Variants in CCDC73 observed in about 807,000 individuals in gnomAD.
CCDC73 encodes coiled-coil domain-containing protein 73.
In CCDC73, 95 loss-of-function variants were observed where a neutral mutation model predicts 116.5. The ratio of observed to expected loss-of-function variants is 0.82; its 90% CI spans 0.69 to 0.97. The LOEUF (loss-of-function observed/expected upper bound fraction) is 0.97, where lower values mean the gene tolerates loss of function less well. CCDC73 is among the 50% of genes least tolerant of loss of function. CCDC73 has a pLI of 0.00. For missense variants in CCDC73, 1,066 were observed against 1,206.8 expected (o/e 0.88, Z 1.73); for synonymous variants, 398 against 401.3 (o/e 0.99, Z 0.10).
intron 4 of CCDC73, among the ~76,000 whole-genome samples, chr11:32,701,219 TC>T (rs1041228896): frequency 1.3e-4 from 20 of 152,162 alleles, no homozygotes; most frequent in African/African-American, 4.8e-4. Context: ...TTTGTTTTTT[TC>T]CTCCAGAAAT....
chr11:32,611,015 C>A (rs1855416971), intron 17 of CCDC73, 117 bp downstream of exon 17: 1 of 954,660 alleles, frequency 1.0e-6, no homozygotes, highest in South Asian at 1.9e-5. Context: ...ATGTTGCCCT[C>A]TTGATATTAT....
chr11:32,742,233 C>A (rs1850194288), intron 2 of CCDC73, among the ~76,000 whole-genome samples: 1 of 152,200 alleles, frequency 6.6e-6, no homozygotes, highest in South Asian at 2.1e-4. Context: ...GGAATCGCCA[C>A]ACTGTCTTCC....
intron 13 of CCDC73, among the ~76,000 whole-genome samples, chr11:32,640,748 T>G (rs1258647168): frequency 6.6e-6 from 1 of 152,188 alleles, no homozygotes; most frequent in East Asian, 1.9e-4. Flanking sequence ...CTGGGCGATG[T>G]GGCTCACGCC....
chr11:32,744,009 G>A (rs890046442), intron 2 of CCDC73, among the ~76,000 whole-genome samples: 2 of 152,158 alleles, frequency 1.3e-5, no homozygotes, highest in African/African-American at 4.8e-5. Flanking sequence ...AATGCTTCCA[G>A]TCTTTGCCCA....
the CCDC73 span, among the ~76,000 whole-genome samples, chr11:32,808,409 T>C: frequency 3.3e-5 from 5 of 152,068 alleles, no homozygotes; most frequent in African/African-American, 1.2e-4. Flanking sequence ...GAGGCCGAGG[T>C]GGGCAGATAA....
intron 2 of CCDC73, among the ~76,000 whole-genome samples, chr11:32,720,030 AAC>A (rs2133334106): frequency 6.6e-6 from 1 of 152,320 alleles, no homozygotes; most frequent in Non-Finnish European, 1.5e-5. Flanking sequence ...AAGAGGAGGA[AAC>A]ACATACTAAC....
rs148868223 is a variant in CCDC73 at position 32,734,854 on chromosome 11, G to A, written c.136-16707C>T. The stretch of plus-strand genomic sequence containing the variant: ...GTGGGCTTCATCCCTGGGATGCAAG[G>A]CTGGTTCAACATATACAAATCATTA... On this transcript the variant is annotated intron_variant, in intron 2 of 17. Transcript: ENST00000335185. Among the ~76,000 whole-genome samples, 1,085 of 152,222 alleles carry A rather than the reference G, an allele frequency of 7.1e-3. 17 individuals carry two copies. The highest frequency in any genetic ancestry group is 0.025 in the African/African-American group (1,048 of 41,534).
At chr11:32,718,694 A>G (rs1381726021) in intron 2 of CCDC73, among the ~76,000 whole-genome samples, 1 of 152,160 alleles carries the variant, frequency 6.6e-6, no homozygotes, top group Non-Finnish European at 1.5e-5. Flanking sequence ...CAGAAACTAT[A>G]GCTAAAAGCA....
the CCDC73 span, among the ~76,000 whole-genome samples, chr11:32,810,715 C>G: frequency 2.0e-5 from 3 of 152,094 alleles, no homozygotes; most frequent in Non-Finnish European, 4.4e-5. Flanking sequence ...TTAGCAATGG[C>G]CAACTTTGGA....
intron 2 of CCDC73, among the ~76,000 whole-genome samples, chr11:32,748,597 C>T (rs1850260921): frequency 6.6e-6 from 1 of 152,166 alleles, no homozygotes; most frequent in Admixed American, 6.6e-5. Context: ...ACACATCACA[C>T]TTACAGTGTT....
At chr11:32,640,325 C>A (rs1247236051) in intron 13 of CCDC73, among the ~76,000 whole-genome samples, 2 of 151,850 alleles carry the variant, frequency 1.3e-5, no homozygotes, top group Non-Finnish European at 2.9e-5. Flanking sequence ...TAATAGTTTT[C>A]TTTTTTTTCT....
intron 9 of CCDC73, among the ~76,000 whole-genome samples, chr11:32,658,224 C>T (rs982023722): frequency 7.9e-5 from 12 of 152,100 alleles, no homozygotes; most frequent in African/African-American, 2.9e-4. Context: ...TTACCTCTGT[C>T]TACAACTACG....
the CCDC73 span, chr11:32,830,273 C>T: frequency 1.4e-5 from 14 of 978,634 alleles, no homozygotes; most frequent in Middle Eastern, 3.8e-4. Context: ...GAGGGTTGCC[C>T]GCGGCGACAG....
chr11:32,655,101 C>CCCTACTTT, intron 9 of CCDC73, 129 bp from the exon 10 acceptor site: 1 of 86,032 alleles, frequency 1.2e-5, no homozygotes, highest in Non-Finnish European at 2.3e-5. Context: ...CTTGCAAGTT[C>CCCTACTTT]CCTTGCAAGA....
chr11:32,647,699 T>C (rs576710866), intron 12 of CCDC73, among the ~76,000 whole-genome samples: 237 of 152,246 alleles, frequency 1.6e-3, no homozygotes, highest in Admixed American at 2.9e-3. Context: ...TCCATTTTTC[T>C]GCCAGAGAGT....
intron 2 of CCDC73, among the ~76,000 whole-genome samples, chr11:32,734,578 G>A (rs1024889022): frequency 2.4e-4 from 37 of 152,038 alleles, no homozygotes; most frequent in Non-Finnish European, 4.6e-4. Context: ...GCAGCCTTCC[G>A]CAGTGTTTGT....
intron 1 of CCDC73, among the ~76,000 whole-genome samples, chr11:32,761,933 T>G (rs1236409121): frequency 1.3e-5 from 2 of 152,210 alleles, no homozygotes; most frequent in Admixed American, 6.5e-5. Context: ...CCCACTTCCT[T>G]GGACAACCCT....
At chr11:32,732,864 G>C (rs935655452) in intron 2 of CCDC73, among the ~76,000 whole-genome samples, 3 of 152,078 alleles carry the variant, frequency 2.0e-5, no homozygotes, top group African/African-American at 7.2e-5. Context: ...CATCAACTAA[G>C]AAGCAAAATA....
intron 3 of CCDC73, among the ~76,000 whole-genome samples, chr11:32,708,516 T>C (rs1849873623): frequency 6.6e-6 from 1 of 152,240 alleles, no homozygotes; most frequent in Admixed American, 6.5e-5. Flanking sequence ...TTCACAATAT[T>C]GATTCTAGTT....
Sources: gnomAD v4.1 joint callset for allele counts (sites outside exome capture counted in the v4.1 genomes callset) on GRCh38, gnomAD v4.1.1 for gene constraint, MANE v1.5 for transcripts, NCBI Gene and HGNC (gene_info 2026-07-23, HGNC 2026-07-21) for gene names.